Variants in SHOX observed in about 807,000 individuals in gnomAD.
SHOX encodes short stature homeobox protein.
In SHOX, 12 loss-of-function variants were observed where a neutral mutation model predicts 29.6. The observed-to-expected ratio is 0.41, with a 90% CI of 0.26 to 0.66. SHOX has a LOEUF of 0.66. Among genes scored for constraint, SHOX ranks in the 30% least tolerant of loss-of-function variants. The probability of loss-of-function intolerance (pLI) is 0.35; values close to 1 mark genes in which losing one functional copy is unlikely to be tolerated. For synonymous variants in SHOX, 214 were observed against 200.6 expected (o/e 1.07, Z -0.57); for missense variants, 499 against 437.7 (o/e 1.14, Z -1.25).
downstream of SHOX, among the ~76,000 whole-genome samples, chrX:655,160 T>A (rs2124221062): frequency 6.6e-6 from 1 of 151,610 alleles, no homozygotes; most frequent in East Asian, 2.0e-4. Flanking sequence ...CAGGCAGGAG[T>A]GCAGTGGTGC....
rs187422409 is a variant in SHOX, at chrX:651,522, G to C, written c.*6886G>C. Reference sequence around the variant, plus strand: ...CAGCAACAGACTGTATTTTTGTGACGCCCCGTAGTATGAATGTACATCTTG... The same window carrying C: ...CAGCAACAGACTGTATTTTTGTGACCCCCCGTAGTATGAATGTACATCTTG... On this transcript the variant is annotated 3_prime_UTR_variant, in exon 5 of 5. Transcript: ENST00000686671. 2 of 394,064 alleles carry C rather than the reference G, an allele frequency of 5.1e-6. No homozygotes were observed. The highest frequency in any genetic ancestry group is 6.2e-5 in the Admixed American group (2 of 32,440). The allele number at this position is 394,064 out of a possible 1,614,324, so 24.4% of individuals were successfully genotyped here.
intron 2 of SHOX, among the ~76,000 whole-genome samples, chrX:637,478 C>T (rs1456256587): frequency 1.3e-5 from 2 of 151,776 alleles, no homozygotes; most frequent in African/African-American, 4.8e-5. Context: ...TGTGTGCGGA[C>T]CCCGAGAACG....
Position 649,644 on chromosome X carries a change from G to A in SHOX, c.*5008G>A, listed in dbSNP as rs1304887451. 1.3e-5 allele frequency among the ~76,000 whole-genome samples: 2 copies of A among 152,150 alleles called. No individual in the cohort carries two copies. Among genetic ancestry groups the A allele is most frequent in the Non-Finnish European group, 2.9e-5 (2 of 68,032 alleles). On this transcript the variant is annotated 3_prime_UTR_variant, in exon 5 of 5. Transcript: ENST00000686671. The stretch of plus-strand genomic sequence containing the variant: ...AGGAATACCACCCAGAGAGCAACGT[G>A]GGCTGTGTTCCGATGTAACGCCGTT...
At chrX:639,957 C>T (rs187820056) in intron 2 of SHOX, among the ~76,000 whole-genome samples, 22 of 150,832 alleles carry the variant, frequency 1.5e-4, no homozygotes, top group African/African-American at 5.1e-4. Flanking sequence ...GGTGAGATCA[C>T]ACCACTGCAC....
chrX:632,385 A>T (rs1000478982), intron 1 of SHOX, among the ~76,000 whole-genome samples: 9 of 152,208 alleles, frequency 5.9e-5, no homozygotes, highest in Non-Finnish European at 1.0e-4. Context: ...CATCTTAAGA[A>T]TAAAATGGGC....
chrX:643,705 G>T (rs1374330418), intron 4 of SHOX, among the ~76,000 whole-genome samples: 1 of 128,638 alleles, frequency 7.8e-6, no homozygotes, highest in Non-Finnish European at 1.6e-5. Context: ...CCCGGGAGAG[G>T]CTTGGACACC....
intron 2 of SHOX, among the ~76,000 whole-genome samples, chrX:640,047 C>G (rs2052823342): frequency 6.8e-6 from 1 of 146,600 alleles, no homozygotes; most frequent in South Asian, 2.2e-4. Flanking sequence ...AAAAGAAAAC[C>G]CAATTTCCAG....
intron 1 of SHOX, chrX:632,011 T>A (rs748258086): frequency 2.2e-6 from 1 of 455,664 alleles, no homozygotes; most frequent in South Asian, 1.5e-5. Context: ...AGGCCCCGGG[T>A]CAGCTCGGTT....
chrX:636,440 T>C (rs2052754289), intron 2 of SHOX, among the ~76,000 whole-genome samples: 1 of 126,502 alleles, frequency 7.9e-6, no homozygotes, highest in African/African-American at 3.0e-5. Context: ...TATATAAACA[T>C]ATATACATAT....
chrX:644,686 C>CGCCTGCACCGCGCG lies in SHOX; in HGVS notation c.*51_*64dup. ...CCGGACTCCCGGGCTCCGCGCACCC[C>CGCCTGCACCGCGCG]GCCTGCACCGCGCGTCCTGCACTCA... On this transcript the variant is annotated 3_prime_UTR_variant, in exon 5 of 5. Coordinates refer to ENST00000686671, the MANE Select transcript of SHOX (RefSeq NM_000451.4). The CGCCTGCACCGCGCG allele has an allele frequency of 1.5e-6, 2 of 1,376,816 alleles. No individual in the cohort carries two copies. Among genetic ancestry groups the CGCCTGCACCGCGCG allele is most frequent in the South Asian group, 3.4e-5 (2 of 58,900 alleles). The allele number at this position is 1,376,816 out of a possible 1,614,324, so 85.3% of individuals were successfully genotyped here. A position where few individuals can be genotyped will look rare whatever the true frequency, so the allele number is the denominator to read the frequency against.
At chrX:627,388 C>T (rs973025201), upstream of SHOX, among the ~76,000 whole-genome samples, 9 of 152,156 alleles carry the variant, frequency 5.9e-5, no homozygotes, top group East Asian at 1.2e-3. Flanking sequence ...AGGGAGAGAA[C>T]GTAAAAGCTC....
downstream of SHOX, among the ~76,000 whole-genome samples, chrX:652,142 C>G (rs1261671112): frequency 6.6e-6 from 1 of 152,054 alleles, no homozygotes; most frequent in East Asian, 1.9e-4. Flanking sequence ...TCAGGCTGGT[C>G]TCGAACTCCT....
At chrX:642,234 C>A (rs1332379168) in intron 4 of SHOX, among the ~76,000 whole-genome samples, 1 of 151,528 alleles carries the variant, frequency 6.6e-6, no homozygotes, top group African/African-American at 2.4e-5. Flanking sequence ...CGCCCGGCTG[C>A]GGTGCCCCTT....
intron 2 of SHOX, among the ~76,000 whole-genome samples, chrX:635,314 TG>T (rs2052726221): frequency 6.6e-6 from 1 of 151,866 alleles, no homozygotes; most frequent in South Asian, 2.1e-4. Flanking sequence ...TAAAAAAAAA[TG>T]TGTCTTTTGG....
upstream of SHOX, among the ~76,000 whole-genome samples, chrX:626,483 TTCTC>T (rs1370584913): frequency 7.3e-6 from 1 of 137,682 alleles, no homozygotes; most frequent in African/African-American, 2.8e-5. Context: ...CTGTCTCTCT[TTCTC>T]TCTCTCCTCT....
At chrX:626,980 G>C (rs1416733011), upstream of SHOX, among the ~76,000 whole-genome samples, 20 of 139,806 alleles carry the variant, frequency 1.4e-4, 1 homozygote, top group Admixed American at 7.7e-4. Context: ...GTCTACCTCT[G>C]TCTCTCTCTC....
At chrX:652,962 C>A (rs1183077733), downstream of SHOX, among the ~76,000 whole-genome samples, 1 of 152,166 alleles carries the variant, frequency 6.6e-6, no homozygotes, top group Non-Finnish European at 1.5e-5. Context: ...TTTGGCCGGG[C>A]GCAGTGTGGC....
At position 642,953 on chromosome X, in the gene SHOX, T is replaced by C. The variant is rs1321308197; in HGVS notation, c.634-1438T>C. The stretch of plus-strand genomic sequence containing the variant: ...GTGACCTTGGAGAGGCTTGGAGACC[T>C]GGTGTTCTGGGAGAGGCTTGGGGAC... On this transcript the variant is annotated intron_variant, in intron 4 of 4. Coordinates refer to ENST00000686671, the MANE Select transcript of SHOX (RefSeq NM_000451.4). Among the ~76,000 whole-genome samples the C allele has an allele frequency of 4.3e-5, 6 of 139,402 alleles. No individual in the cohort carries two copies. The East Asian group carries it at 1.4e-3, about 31-fold the overall frequency. The allele number at this position is 139,402 out of a possible 152,430, so 91.5% of individuals were successfully genotyped here.
At chrX:625,674 TC>T (rs2052515112) in intron 1 of SHOX, among the ~76,000 whole-genome samples, 1 of 136,836 alleles carries the variant, frequency 7.3e-6, no homozygotes, top group African/African-American at 2.8e-5. Context: ...CGTTCCTCTC[TC>T]TCTTTTTTTC....
Sources: gnomAD v4.1 joint callset for allele counts (sites outside exome capture counted in the v4.1 genomes callset) on GRCh38, gnomAD v4.1.1 for gene constraint, MANE v1.5 for transcripts, NCBI Gene and HGNC (gene_info 2026-07-23, HGNC 2026-07-21) for gene names.